The following CLYBL variants were observed in gnomAD, a reference collection of about 807,000 sequenced individuals.
The protein encoded by CLYBL is citramalyl-CoA lyase, mitochondrial.
A neutral mutation model predicts 38.9 loss-of-function variants in CLYBL; 31 were observed. The ratio of observed to expected loss-of-function variants is 0.80; its 90% CI spans 0.60 to 1.08. The LOEUF is 1.08. Ranked by LOEUF, CLYBL falls within the 50% of genes least tolerant of loss-of-function variation. CLYBL has a pLI of 0.00. For synonymous variants in CLYBL, 171 were observed against 158.6 expected (o/e 1.08, Z -0.59); for missense variants, 434 against 411.6 (o/e 1.05, Z -0.47).
intron 2 of CLYBL, among the ~76,000 whole-genome samples, chr13:99,776,185 A>AAATAATAAT (rs776856192): frequency 2.8e-5 from 4 of 143,186 alleles, no homozygotes; most frequent in Non-Finnish European, 4.5e-5. Context: ...ACCAAAAAAC[A>AAATAATAAT]AATAATAATA....
chr13:99,716,782 CTTTTCTTTT>C (rs2048322179), intron 1 of CLYBL, among the ~76,000 whole-genome samples: 1 of 128,344 alleles, frequency 7.8e-6, no homozygotes, highest in Non-Finnish European at 1.7e-5. Context: ...AATTTCTTTT[CTTTTCTTTT>C]TTTTTTTTTT....
intron 1 of CLYBL, among the ~76,000 whole-genome samples, chr13:99,760,632 T>C (rs192113142): frequency 1.3e-5 from 2 of 152,378 alleles, no homozygotes; most frequent in East Asian, 1.9e-4. Context: ...CCATTGCCTT[T>C]TGGCTTCCAA....
chr13:99,743,086 CAG>C (rs1204182600), intron 1 of CLYBL, among the ~76,000 whole-genome samples: 1 of 150,724 alleles, frequency 6.6e-6, no homozygotes, highest in East Asian at 1.9e-4. Flanking sequence ...TTCCTTTCCA[CAG>C]AGAGATTGCT....
intron 1 of CLYBL, among the ~76,000 whole-genome samples, chr13:99,771,068 C>G (rs575083361): frequency 2.3e-5 from 3 of 129,782 alleles, no homozygotes; most frequent in Non-Finnish European, 3.1e-5. Flanking sequence ...AGGTATTGCT[C>G]TGTTGCTCAG....
chr13:99,762,507 G>A (rs894879242), intron 1 of CLYBL, among the ~76,000 whole-genome samples: 4 of 152,154 alleles, frequency 2.6e-5, no homozygotes, highest in African/African-American at 9.7e-5. Flanking sequence ...TCTCCATTCT[G>A]TTCCACTGGT....
At chr13:99,709,428 A>T (rs1316422224) in intron 1 of CLYBL, among the ~76,000 whole-genome samples, 1 of 152,166 alleles carries the variant, frequency 6.6e-6, no homozygotes, top group Non-Finnish European at 1.5e-5. Context: ...TGTGTTTCTC[A>T]TTGACCCGAG....
At chr13:99,875,267 A>G (rs1176651110) in intron 7 of CLYBL, among the ~76,000 whole-genome samples, 1 of 152,252 alleles carries the variant, frequency 6.6e-6, no homozygotes, top group African/African-American at 2.4e-5. Context: ...AAACAGTGCA[A>G]GCTGATAAGT....
intron 2 of CLYBL, among the ~76,000 whole-genome samples, chr13:99,838,940 A>G (rs1372685136): frequency 2.6e-5 from 4 of 152,216 alleles, no homozygotes; most frequent in Admixed American, 2.6e-4. Context: ...CGCCTGGCCT[A>G]CATTTCACAT....
At chr13:99,827,224 A>C (rs1364096518) in intron 2 of CLYBL, among the ~76,000 whole-genome samples, 1 of 152,116 alleles carries the variant, frequency 6.6e-6, no homozygotes, top group Admixed American at 6.5e-5. Context: ...GAGCCTTTTC[A>C]ATTGTCCGTG....
intron 1 of CLYBL, among the ~76,000 whole-genome samples, chr13:99,759,633 G>A (rs2049128815): frequency 6.6e-6 from 1 of 152,110 alleles, no homozygotes. Flanking sequence ...AGAATTTCTG[G>A]TGCTGGGCTG....
chr13:99,676,671 G>A (rs937581566), intron 1 of CLYBL, among the ~76,000 whole-genome samples: 1 of 151,346 alleles, frequency 6.6e-6, no homozygotes, highest in African/African-American at 2.4e-5. Flanking sequence ...TCGACTTACT[G>A]CAACCTGCAC....
At chr13:99,673,964 G>A (rs1487429368) in intron 1 of CLYBL, among the ~76,000 whole-genome samples, 1 of 152,062 alleles carries the variant, frequency 6.6e-6, no homozygotes, top group Non-Finnish European at 1.5e-5. Context: ...AGGAGTCAAG[G>A]ATGACTGTCA....
intron 1 of CLYBL, among the ~76,000 whole-genome samples, chr13:99,675,376 C>CA (rs1210732797): frequency 5.9e-5 from 9 of 152,170 alleles, no homozygotes; most frequent in Non-Finnish European, 5.9e-5. Flanking sequence ...ACATCTCATA[C>CA]AGTTCACCTA....
chr13:99,877,646 G>A (rs193235560), intron 7 of CLYBL: 82 of 313,300 alleles, frequency 2.6e-4, no homozygotes, highest in Non-Finnish European at 4.2e-4. Flanking sequence ...GCGTGATCTC[G>A]GCTCCCTGCA....
intron 1 of CLYBL, among the ~76,000 whole-genome samples, chr13:99,702,227 G>A (rs573260036): frequency 3.9e-5 from 6 of 152,184 alleles, no homozygotes; most frequent in African/African-American, 1.4e-4. Flanking sequence ...TCCTGTTTTG[G>A]CCTCCCAAAA....
chr13:99,906,433 T>C (rs1248747556), intron 9 of CLYBL, among the ~76,000 whole-genome samples: 2 of 67,932 alleles, frequency 2.9e-5, no homozygotes, highest in Non-Finnish European at 7.0e-5. Flanking sequence ...TTTTTTGAGT[T>C]TTCTTTTTTT....
At chr13:99,667,107 G>A (rs2047492550) in intron 1 of CLYBL, among the ~76,000 whole-genome samples, 1 of 152,064 alleles carries the variant, frequency 6.6e-6, no homozygotes. Flanking sequence ...GAGCAGAGAT[G>A]CAAGTTGTGT....
At chr13:99,900,147 G>A (rs766565302), downstream of CLYBL, among the ~76,000 whole-genome samples, 59 of 152,002 alleles carry the variant, frequency 3.9e-4, 1 homozygote, top group South Asian at 4.2e-4. Flanking sequence ...GGCTGGACTC[G>A]AGCTCCTAAC....
chr13:99,782,085 G>A (rs9513661), intron 2 of CLYBL, among the ~76,000 whole-genome samples: 40,948 of 150,354 alleles, frequency 0.27, 5,681 homozygotes, highest in Middle Eastern at 0.3. Flanking sequence ...CTTTTTTTTT[G>A]CTTATCATTT....
Sources: gnomAD v4.1 joint callset for allele counts (sites outside exome capture counted in the v4.1 genomes callset) on GRCh38, gnomAD v4.1.1 for gene constraint, MANE v1.5 for transcripts, NCBI Gene and HGNC (gene_info 2026-07-23, HGNC 2026-07-21) for gene names.